STK24: variants seen among roughly 807,000 people sequenced by gnomAD.
STK24 encodes the protein serine/threonine kinase 24, also known as serine/threonine-protein kinase 24.
In STK24, 21 loss-of-function variants were observed where a neutral mutation model predicts 55.6. That is an observed-to-expected ratio of 0.38 (90% CI 0.27 to 0.54). STK24 has a LOEUF of 0.54. Ranked by LOEUF, STK24 falls within the 20% of genes least tolerant of loss-of-function variation. STK24 has a pLI of 0.79. For synonymous variants in STK24, 200 were observed against 215.2 expected (o/e 0.93, Z 0.62); for missense variants, 383 against 538.4 (o/e 0.71, Z 2.86).
chr13:98,558,427 C>G (rs79902987), intron 1 of STK24, among the ~76,000 whole-genome samples: 2 of 152,142 alleles, frequency 1.3e-5, no homozygotes, highest in African/African-American at 4.8e-5. Context: ...AACACCAGAG[C>G]GGTACAACAC....
intron 2 of STK24, among the ~76,000 whole-genome samples, chr13:98,495,785 C>A (rs1455752622): frequency 1.3e-5 from 2 of 152,300 alleles, no homozygotes; most frequent in East Asian, 3.9e-4. Flanking sequence ...ATGAAATGTA[C>A]GCCCTTGTGA....
chr13:98,479,089 G>C (rs1185704811), intron 3 of STK24, among the ~76,000 whole-genome samples: 1 of 152,130 alleles, frequency 6.6e-6, no homozygotes, highest in Admixed American at 6.5e-5. Context: ...TTCCCTCCCC[G>C]GGCTACAAAG....
intron 2 of STK24, among the ~76,000 whole-genome samples, chr13:98,501,003 A>C (rs1895435472): frequency 8.8e-6 from 1 of 113,446 alleles, no homozygotes. Context: ...TACACATTCA[A>C]GTTACTGTTT....
At chr13:98,538,514 C>T (rs1184008034) in intron 1 of STK24, among the ~76,000 whole-genome samples, 4 of 152,028 alleles carry the variant, frequency 2.6e-5, no homozygotes, top group African/African-American at 7.3e-5. Flanking sequence ...CATGAGCCAC[C>T]GCGGCTTGGT....
At chr13:98,553,685 A>C (rs994826340) in intron 1 of STK24, 9 of 152,220 alleles carry the variant, frequency 5.9e-5, no homozygotes, top group African/African-American at 2.2e-4. Context: ...GCAGCATGAG[A>C]AGGATCCTGC....
chr13:98,507,743 G>A (rs545258629), intron 2 of STK24, among the ~76,000 whole-genome samples: 3 of 152,306 alleles, frequency 2.0e-5, no homozygotes, highest in Admixed American at 2.0e-4. Context: ...GATATCCTGA[G>A]GCAGGTCTCC....
intron 2 of STK24, among the ~76,000 whole-genome samples, chr13:98,513,431 C>T (rs1329336139): frequency 3.4e-4 from 52 of 152,206 alleles, no homozygotes; most frequent in Non-Finnish European, 1.5e-4. Flanking sequence ...GATAAGCATC[C>T]CTGGCCTCCA....
intron 1 of STK24, among the ~76,000 whole-genome samples, chr13:98,527,621 C>A (rs1896468843): frequency 6.6e-6 from 1 of 152,172 alleles, no homozygotes; most frequent in Admixed American, 6.5e-5. Context: ...CCATGTGCCC[C>A]TGTGCCTTGA....
At chr13:98,534,823 A>G (rs1896667785) in intron 1 of STK24, among the ~76,000 whole-genome samples, 1 of 152,222 alleles carries the variant, frequency 6.6e-6, no homozygotes. Context: ...CCACCAAATT[A>G]TCCTTAAAAA....
At chr13:98,569,723 C>T (rs1897687856) in intron 1 of STK24, among the ~76,000 whole-genome samples, 1 of 152,002 alleles carries the variant, frequency 6.6e-6, no homozygotes. Context: ...CGCATTCTGA[C>T]CTCACTGACA....
At position 98,447,504 on chromosome 13, in the gene STK24, C is replaced by T. The variant is rs1030646407; in HGVS notation, c.*5669G>A. On this transcript the variant is annotated 3_prime_UTR_variant, in exon 11 of 11. Transcript: ENST00000539966. Reference sequence around the variant, plus strand: ...AGTCCAGATCCTGAAAGGCCTGGGACAAGGCCAGGTAATTTGGGGAGTCCG... The same window carrying T: ...AGTCCAGATCCTGAAAGGCCTGGGATAAGGCCAGGTAATTTGGGGAGTCCG... 1 of 152,374 alleles carries T rather than the reference C, an allele frequency of 6.6e-6. No homozygotes were observed. The highest frequency in any genetic ancestry group is 6.5e-5 in the Admixed American group (1 of 15,298). 9.4% of individuals were successfully genotyped at this position (152,374 alleles called of 1,614,324 possible). A position where few individuals can be genotyped will look rare whatever the true frequency, so the allele number is the denominator to read the frequency against.
chr13:98,453,421 C>A (rs962639434), intron 10 of STK24: 13 of 561,186 alleles, frequency 2.3e-5, no homozygotes, highest in African/African-American at 1.9e-4. Flanking sequence ...CAGAGCATGT[C>A]ACCAAAAACC....
chr13:98,572,655 G>A (rs1897772814), intron 1 of STK24, among the ~76,000 whole-genome samples: 1 of 151,998 alleles, frequency 6.6e-6, no homozygotes, highest in Non-Finnish European at 1.5e-5. Flanking sequence ...TCTCAGCAAA[G>A]GTCTATTTAT....
At chr13:98,464,418 CA>C (rs909402560) in intron 6 of STK24, among the ~76,000 whole-genome samples, 4 of 142,694 alleles carry the variant, frequency 2.8e-5, no homozygotes, top group African/African-American at 7.8e-5. Context: ...GACTCTGTCT[CA>C]AAAAAAAGCT....
intron 1 of STK24, among the ~76,000 whole-genome samples, chr13:98,550,518 G>A (rs1897133217): frequency 6.6e-6 from 1 of 152,278 alleles, no homozygotes; most frequent in East Asian, 1.9e-4. Flanking sequence ...GAGGAAGCGA[G>A]ACCCTCTCTC....
chr13:98,457,332 C>T (rs1382445825), intron 9 of STK24, 28 bp from the exon 10 acceptor site: 1 of 1,613,652 alleles, frequency 6.2e-7, no homozygotes. Context: ...GGAAGAATGG[C>T]ATGAAGCACA....
intron 1 of STK24, among the ~76,000 whole-genome samples, chr13:98,570,257 G>A (rs922750819): frequency 1.3e-5 from 2 of 152,160 alleles, no homozygotes; most frequent in African/African-American, 4.8e-5. Flanking sequence ...GCTGCCCTCG[G>A]GGAATAAGAA....
At chr13:98,525,084 G>C (rs556571670) in intron 1 of STK24, among the ~76,000 whole-genome samples, 1 of 152,368 alleles carries the variant, frequency 6.6e-6, no homozygotes, top group Admixed American at 6.5e-5. Flanking sequence ...TCTTGCACGG[G>C]TTCATTACCA....
intron 3 of STK24, among the ~76,000 whole-genome samples, chr13:98,481,701 C>T (rs1400679651): frequency 6.6e-6 from 1 of 152,114 alleles, no homozygotes; most frequent in Non-Finnish European, 1.5e-5. Flanking sequence ...TTCCTTGCTT[C>T]CTTCTATGAA....
Sources: gnomAD v4.1 joint callset for allele counts (sites outside exome capture counted in the v4.1 genomes callset) on GRCh38, gnomAD v4.1.1 for gene constraint, MANE v1.5 for transcripts, NCBI Gene and HGNC (gene_info 2026-07-23, HGNC 2026-07-21) for gene names.